The following LAMB4 variants were observed in gnomAD, a reference collection of about 807,000 sequenced individuals.
The protein encoded by LAMB4 is laminin subunit beta 4.
In LAMB4, 196 loss-of-function variants were observed where a neutral mutation model predicts 199.2. That is an observed-to-expected ratio of 0.98 (90% CI 0.88 to 1.11). The LOEUF is 1.11. LAMB4 is among the 50% of genes least tolerant of loss of function. The pLI, the probability that LAMB4 is intolerant of heterozygous loss-of-function variation, is 0.00. For synonymous variants in LAMB4, 744 were observed against 770.6 expected (o/e 0.97, Z 0.57); for missense variants, 2,080 against 2,171.2 (o/e 0.96, Z 0.83).
At chr7:108,106,380 T>C (rs968759289) in intron 7 of LAMB4, 129 bp downstream of exon 7, 7 of 641,238 alleles carry the variant, frequency 1.1e-5, no homozygotes, top group African/African-American at 1.9e-5. Context: ...ATCACACCAC[T>C]GCACTCCAGC....
chr7:108,110,171 T>C (rs377661), intron 4 of LAMB4, among the ~76,000 whole-genome samples: 58,160 of 151,814 alleles, frequency 0.38, 11,594 homozygotes, highest in Non-Finnish European at 0.42. Flanking sequence ...TGGGACTACA[T>C]GCTTGCTCCA....
downstream of LAMB4, among the ~76,000 whole-genome samples, chr7:108,022,897 C>A (rs1026463824): frequency 1.3e-5 from 2 of 152,280 alleles, no homozygotes; most frequent in South Asian, 4.1e-4. Flanking sequence ...ACTGCAACCC[C>A]TTCCTCCTGG....
intron 17 of LAMB4, among the ~76,000 whole-genome samples, chr7:108,072,320 G>A (rs2036560717): frequency 6.6e-6 from 1 of 152,008 alleles, no homozygotes; most frequent in Non-Finnish European, 1.5e-5. Flanking sequence ...GTGTCTTCTG[G>A]TGTATTCATG....
intron 22 of LAMB4, among the ~76,000 whole-genome samples, chr7:108,063,485 A>G (rs2036234998): frequency 6.6e-6 from 1 of 152,192 alleles, no homozygotes; most frequent in Non-Finnish European, 1.5e-5. Context: ...CTGAGAAACA[A>G]CGCTTTGAAT....
chr7:108,018,820 T>A (rs1476234134), downstream of LAMB4, among the ~76,000 whole-genome samples: 1 of 152,212 alleles, frequency 6.6e-6, no homozygotes, highest in Non-Finnish European at 1.5e-5. Context: ...TGGTGCTGGC[T>A]CTGGGATGCT....
intron 23 of LAMB4, among the ~76,000 whole-genome samples, chr7:108,059,101 T>TC (rs2036077854): frequency 9.3e-6 from 1 of 107,416 alleles, no homozygotes; most frequent in South Asian, 2.7e-4. Flanking sequence ...CTGCCACTTT[T>TC]TTTTTTTTTT....
intron 4 of LAMB4, among the ~76,000 whole-genome samples, 163 bp downstream of exon 4, chr7:108,111,648 A>G (rs145825664): frequency 2.2e-4 from 33 of 152,370 alleles, no homozygotes; most frequent in African/African-American, 7.0e-4. Context: ...TCTTGTTAAA[A>G]TGAAAATAAA....
chr7:108,124,439 AAC>A, intron 1 of LAMB4, among the ~76,000 whole-genome samples: 1 of 152,306 alleles, frequency 6.6e-6, no homozygotes, highest in African/African-American at 2.4e-5. Flanking sequence ...GTGTGCATAT[AAC>A]CATATATGTA....
intron 14 of LAMB4, 88 bp from the exon 15 acceptor site, chr7:108,079,874 C>T: frequency 3.4e-6 from 3 of 891,058 alleles, no homozygotes; most frequent in Admixed American, 6.0e-5. Context: ...GCACCACCCC[C>T]TGTATTTCCT....
chr7:108,122,072 T>G (rs1222692852), intron 2 of LAMB4, among the ~76,000 whole-genome samples: 1 of 152,196 alleles, frequency 6.6e-6, no homozygotes, highest in Non-Finnish European at 1.5e-5. Flanking sequence ...CTGCCCAAGC[T>G]AATTTAGTTT....
At position 108,111,917 on chromosome 7, in the gene LAMB4, A is replaced by C; in HGVS notation, c.222T>G (p.Ser74=). The C allele has an allele frequency of 6.2e-7, 1 of 1,609,634 alleles. No homozygotes were observed. The highest frequency in any genetic ancestry group is 2.2e-5 in the East Asian group (1 of 44,692). Residue 74 remains serine (S), a synonymous_variant, in exon 4 of 34, where the codon TCT becomes TCG. Transcript: ENST00000388781. ...GGTCATACGGATCATATGGAAATCT[A>C]GAGTCACAGATGAAGCATTTTTGTT... is the stretch of plus-strand genomic sequence containing the variant. ...EGEQKCFICD[S]RFPYDPYDQP...
chr7:108,095,116 T>C, intron 12 of LAMB4, 112 bp downstream of exon 12: 1 of 717,086 alleles, frequency 1.4e-6, no homozygotes, highest in East Asian at 2.6e-5. Flanking sequence ...ACCACTGGAG[T>C]ATTAAAACAC....
chr7:108,097,769 A>C (rs924003214), intron 11 of LAMB4, among the ~76,000 whole-genome samples: 2 of 152,194 alleles, frequency 1.3e-5, no homozygotes, highest in Non-Finnish European at 2.9e-5. Context: ...GCCTAAGATG[A>C]CATCAATCTT....
intron 1 of LAMB4, among the ~76,000 whole-genome samples, chr7:108,123,606 G>A (rs987564238): frequency 2.6e-5 from 4 of 152,102 alleles, no homozygotes; most frequent in African/African-American, 4.8e-5. Context: ...AATACCACCC[G>A]CAGTGGGCCA....
chr7:108,052,476 T>C lies in LAMB4; in HGVS notation c.3756-219A>G, dbSNP rs112857089. ...ACTATTGCAACATTCATTTAAAATA[T>C]GGACAGCATACCAGGTCTAGTAGAA... On this transcript the variant is annotated intron_variant, in intron 25 of 33. Transcript: ENST00000388781. Among the ~76,000 whole-genome samples, 23 of 152,316 alleles carry C rather than the reference T, an allele frequency of 1.5e-4. 1 individual carries two copies. Among genetic ancestry groups the C allele is most frequent in the African/African-American group, 3.1e-4 (13 of 41,572 alleles).
intron 21 of LAMB4, 140 bp downstream of exon 21, chr7:108,065,622 G>A: frequency 3.6e-6 from 2 of 558,678 alleles, no homozygotes; most frequent in Non-Finnish European, 5.9e-6. Flanking sequence ...CAATAAAGCA[G>A]CTATTTATCA....
chr7:108,063,124 T>G, intron 22 of LAMB4, 130 bp from the exon 23 acceptor site: 1 of 526,974 alleles, frequency 1.9e-6, no homozygotes. Flanking sequence ...CGCCTTATAA[T>G]AGTAAAGAAT....
At chr7:108,112,019 C>A (rs2038245131) in intron 3 of LAMB4, 73 bp from the exon 4 acceptor site, 2 of 1,239,192 alleles carry the variant, frequency 1.6e-6, no homozygotes, top group South Asian at 3.0e-5. Flanking sequence ...TAAAGGCAAG[C>A]TGTACATACT....
chr7:108,077,864 C>A (rs1019849767), intron 16 of LAMB4, among the ~76,000 whole-genome samples: 5 of 152,092 alleles, frequency 3.3e-5, no homozygotes, highest in African/African-American at 1.2e-4. Flanking sequence ...CACCTGGGGA[C>A]CGGAAAAGGA....
Sources: gnomAD v4.1 joint callset for allele counts (sites outside exome capture counted in the v4.1 genomes callset) on GRCh38, gnomAD v4.1.1 for gene constraint, MANE v1.5 for transcripts, NCBI Gene and HGNC (gene_info 2026-07-23, HGNC 2026-07-21) for gene names.